Variants in CTNNA2 observed in about 807,000 individuals in gnomAD.
CTNNA2 encodes catenin alpha-2.
Under a neutral mutation model 101.0 loss-of-function variants are expected in CTNNA2, and 42 were observed. That is an observed-to-expected ratio of 0.42 (90% CI 0.32 to 0.54). The LOEUF is 0.54. Among genes scored for constraint, CTNNA2 ranks in the 20% least tolerant of loss-of-function variants. CTNNA2 has a pLI of 0.14. For missense variants in CTNNA2, 871 were observed against 1,223.1 expected (o/e 0.71, Z 4.29); for synonymous variants, 450 against 456.4 (o/e 0.99, Z 0.18).
intron 9 of CTNNA2, among the ~76,000 whole-genome samples, chr2:80,512,149 CAAAAAAAAAA>C (rs59359924): frequency 4.4e-4 from 32 of 73,472 alleles, no homozygotes; most frequent in Middle Eastern, 7.6e-3. Flanking sequence ...CACTCTGTCT[CAAAAAAAAAA>C]AAAAAAAAAA....
At chr2:79,550,689 C>T (rs1040641251) in intron 1 of CTNNA2, among the ~76,000 whole-genome samples, 6 of 152,182 alleles carry the variant, frequency 3.9e-5, no homozygotes, top group Admixed American at 6.5e-5. Flanking sequence ...ATACCAAATA[C>T]CATGCATTGC....
At chr2:79,204,310 A>G (rs536219096) in intron 2 of CTNNA2, among the ~76,000 whole-genome samples, 3 of 152,096 alleles carry the variant, frequency 2.0e-5, no homozygotes, top group Admixed American at 6.5e-5. Context: ...TCGGACACCT[A>G]TTTCTTTTGT....
intron 2 of CTNNA2, among the ~76,000 whole-genome samples, chr2:79,250,325 G>A (rs1572998917): frequency 6.6e-6 from 1 of 152,258 alleles, no homozygotes; most frequent in Middle Eastern, 3.4e-3. Flanking sequence ...TTGGGCTCCA[G>A]CATATTCACA....
In CTNNA2 at chr2:79,228,386, C is replaced by T. The variant is rs76338222; in HGVS notation, c.-406+30310C>T. ...TTCCCACCAACAGTGTAAACGCATT[C>T]CCTTCTCTCCGCAGCCTTGCCAACA... is the stretch of plus-strand genomic sequence containing the variant. On this transcript the variant is annotated intron_variant, in intron 2 of 21. Transcript: ENST00000466387. Among the ~76,000 whole-genome samples the T allele has an allele frequency of 7.7e-3, 1,177 of 152,302 alleles. 15 individuals carry two copies. Among genetic ancestry groups the T allele is most frequent in the African/African-American group, 0.027 (1,124 of 41,562 alleles).
intron 4 of CTNNA2, among the ~76,000 whole-genome samples, chr2:79,860,546 GTTTTT>G (rs56929879): frequency 1.9e-4 from 20 of 107,196 alleles, no homozygotes; most frequent in Admixed American, 4.4e-4. Context: ...AGTAAGGGAA[GTTTTT>G]TTTTTTTTTT....
At chr2:80,544,697 G>A (rs72916960) in intron 9 of CTNNA2, among the ~76,000 whole-genome samples, 12 of 152,290 alleles carry the variant, frequency 7.9e-5, no homozygotes, top group African/African-American at 2.6e-4. Flanking sequence ...TCCAGAGAGT[G>A]TAGGCGGATC....
At chr2:79,245,590 A>G (rs1370076094) in intron 2 of CTNNA2, among the ~76,000 whole-genome samples, 2 of 152,210 alleles carry the variant, frequency 1.3e-5, no homozygotes, top group Non-Finnish European at 2.9e-5. Context: ...GCAAGGACTC[A>G]CTTTAGCTTT....
chr2:79,972,175 C>T (rs1690532798), intron 7 of CTNNA2, among the ~76,000 whole-genome samples: 2 of 152,160 alleles, frequency 1.3e-5, no homozygotes, highest in Admixed American at 6.5e-5. Context: ...GTCTGCCACA[C>T]AAAAGGAGCA....
chr2:80,313,013 T>A (rs1437397846), intron 7 of CTNNA2, among the ~76,000 whole-genome samples: 1 of 152,224 alleles, frequency 6.6e-6, no homozygotes, highest in Non-Finnish European at 1.5e-5. Flanking sequence ...GCTTGCCTAA[T>A]CAATAGCCTG....
intron 7 of CTNNA2, among the ~76,000 whole-genome samples, chr2:79,994,584 C>T (rs1276763493): frequency 1.3e-5 from 2 of 149,032 alleles, no homozygotes; most frequent in Non-Finnish European, 3.0e-5. Context: ...TCTTCTGTTT[C>T]ATAGGAAAAA....
At chr2:80,137,884 C>A (rs958854435) in intron 7 of CTNNA2, among the ~76,000 whole-genome samples, 8 of 152,048 alleles carry the variant, frequency 5.3e-5, no homozygotes, top group African/African-American at 1.9e-4. Context: ...TGCAGTTTCT[C>A]AAACTGTTTT....
At chr2:80,553,365 A>G (rs1414769389) in intron 11 of CTNNA2, among the ~76,000 whole-genome samples, 1 of 152,146 alleles carries the variant, frequency 6.6e-6, no homozygotes, top group African/African-American at 2.4e-5. Context: ...TTTGTTATGG[A>G]TTTCTAGCCT....
chr2:79,343,035 G>A (rs527308293), intron 3 of CTNNA2, among the ~76,000 whole-genome samples: 3 of 152,234 alleles, frequency 2.0e-5, no homozygotes, highest in Middle Eastern at 3.4e-3. Context: ...ATTATGTCTA[G>A]GAATTTATCC....
At chr2:79,767,542 G>A (rs1017820414) in intron 3 of CTNNA2, among the ~76,000 whole-genome samples, 2 of 152,070 alleles carry the variant, frequency 1.3e-5, no homozygotes, top group Non-Finnish European at 2.9e-5. Flanking sequence ...GATCTAAGCT[G>A]TATCTGCTTT....
chr2:79,848,567 G>A (rs1227343723), intron 3 of CTNNA2, among the ~76,000 whole-genome samples: 2 of 152,134 alleles, frequency 1.3e-5, no homozygotes, highest in African/African-American at 4.8e-5. Flanking sequence ...AAAGGCTACA[G>A]CTGAAATAAT....
chr2:79,750,466 A>T (rs1169204739), intron 3 of CTNNA2, among the ~76,000 whole-genome samples: 1 of 152,208 alleles, frequency 6.6e-6, no homozygotes, highest in African/African-American at 2.4e-5. Context: ...AGCCCTGCTT[A>T]GATTACTTAT....
chr2:79,269,971 T>C (rs1238611248), intron 2 of CTNNA2, among the ~76,000 whole-genome samples: 1 of 152,150 alleles, frequency 6.6e-6, no homozygotes, highest in African/African-American at 2.4e-5. Context: ...CACTGGTGGC[T>C]GGGGATAGGA....
At chr2:79,344,807 T>C (rs997432391) in intron 3 of CTNNA2, among the ~76,000 whole-genome samples, 3 of 146,196 alleles carry the variant, frequency 2.1e-5, no homozygotes, top group Non-Finnish European at 3.0e-5. Flanking sequence ...CAGCTATATA[T>C]ATATTTATAT....
chr2:80,479,529 T>A (rs1039824490), intron 9 of CTNNA2, among the ~76,000 whole-genome samples: 1 of 152,130 alleles, frequency 6.6e-6, no homozygotes, highest in Non-Finnish European at 1.5e-5. Context: ...AAAGACCTAA[T>A]GGCTGCTTTC....
Sources: gnomAD v4.1 joint callset for allele counts (sites outside exome capture counted in the v4.1 genomes callset) on GRCh38, gnomAD v4.1.1 for gene constraint, MANE v1.5 for transcripts, NCBI Gene and HGNC (gene_info 2026-07-23, HGNC 2026-07-21) for gene names.